Variants in TOX3 observed in about 807,000 individuals in gnomAD.
TOX3 encodes the protein TOX high mobility group box family member 3, also known as CAG trinucleotide repeat-containing gene F9 protein.
TOX3 carries 22 observed loss-of-function variants against 64.3 expected under a neutral mutation model. The observed-to-expected ratio is 0.34, with a 90% CI of 0.24 to 0.49. The LOEUF is 0.49. Among genes scored for constraint, TOX3 ranks in the 20% least tolerant of loss-of-function variants. TOX3 has a pLI of 0.99. For synonymous variants in TOX3, 291 were observed against 273.6 expected (o/e 1.06, Z -0.63); for missense variants, 661 against 714.4 (o/e 0.93, Z 0.85).
chr16:52,459,429 A>T (rs939278897), intron 3 of TOX3, among the ~76,000 whole-genome samples: 5 of 152,226 alleles, frequency 3.3e-5, no homozygotes, highest in Admixed American at 6.5e-5. Flanking sequence ...GAGTTCATGC[A>T]GATAGGTCTT....
chr16:52,444,383 C>T (rs1960102027), intron 5 of TOX3, 27 bp from the exon 6 acceptor site: 3 of 1,507,192 alleles, frequency 2.0e-6, no homozygotes, highest in South Asian at 1.2e-5. Context: ...ATTAGCACCA[C>T]CTTTAGCGTA....
At chr16:52,508,607 A>C (rs559292731) in intron 1 of TOX3, among the ~76,000 whole-genome samples, 1 of 152,212 alleles carries the variant, frequency 6.6e-6, no homozygotes, top group Non-Finnish European at 1.5e-5. Flanking sequence ...GCAATATATT[A>C]TTAGGGGATA....
intron 1 of TOX3, among the ~76,000 whole-genome samples, chr16:52,545,821 C>A (rs1437261360): frequency 1.3e-5 from 2 of 152,148 alleles, no homozygotes; most frequent in East Asian, 3.9e-4. Context: ...GCGACTCTCG[C>A]CCGCCTCGCT....
At chr16:52,510,882 C>T (rs1962290976) in intron 1 of TOX3, among the ~76,000 whole-genome samples, 1 of 151,272 alleles carries the variant, frequency 6.6e-6, no homozygotes, top group African/African-American at 2.4e-5. Flanking sequence ...TTGAATGGAA[C>T]AGCTTGATAT....
At chr16:52,525,657 G>C (rs995111970) in intron 1 of TOX3, among the ~76,000 whole-genome samples, 7 of 152,110 alleles carry the variant, frequency 4.6e-5, no homozygotes, top group Non-Finnish European at 8.8e-5. Context: ...GTTCTAGAGA[G>C]TGCACATGCC....
chr16:52,462,313 G>T (rs572174508), intron 3 of TOX3, among the ~76,000 whole-genome samples: 8 of 152,194 alleles, frequency 5.3e-5, no homozygotes, highest in African/African-American at 1.9e-4. Context: ...TGTTCTTTAA[G>T]TGTATGTGAA....
Position 52,444,623 on chromosome 16 carries a change from G to A in TOX3, c.907-267C>T, listed in dbSNP as rs189464215. ...GCAAATAAGAAAAAGATTTCTGGATGCAATACAGATTACTTGAGAATCACT... is the reference window on the plus strand; with the variant it reads ...GCAAATAAGAAAAAGATTTCTGGATACAATACAGATTACTTGAGAATCACT... On this transcript the variant is annotated intron_variant, in intron 5 of 6. Transcript: ENST00000219746. 6.7e-3 allele frequency: 2,161 copies of A among 320,570 alleles called. 9 individuals carry two copies. Among genetic ancestry groups the A allele is most frequent in the Non-Finnish European group, 0.01 (1,802 of 178,170 alleles). The allele number at this position is 320,570 out of a possible 1,614,324, so 19.9% of individuals were successfully genotyped here. A position where few individuals can be genotyped will look rare whatever the true frequency, so the allele number is the denominator to read the frequency against.
chr16:52,440,292 C>T (rs539749989), intron 6 of TOX3, among the ~76,000 whole-genome samples: 5 of 152,296 alleles, frequency 3.3e-5, no homozygotes, highest in South Asian at 4.1e-4. Flanking sequence ...AATTACCCCC[C>T]TCAAGAGTCA....
At chr16:52,448,550 A>C (rs1344376571) in intron 4 of TOX3, among the ~76,000 whole-genome samples, 1 of 152,132 alleles carries the variant, frequency 6.6e-6, no homozygotes, top group Admixed American at 6.5e-5. Flanking sequence ...TGTATTTACC[A>C]TTCCTGGGCC....
At chr16:52,443,531 G>A (rs1960068325) in intron 6 of TOX3, among the ~76,000 whole-genome samples, 1 of 152,192 alleles carries the variant, frequency 6.6e-6, no homozygotes, top group Non-Finnish European at 1.5e-5. Context: ...GACAGCAACA[G>A]TGACAATGAA....
At chr16:52,465,139 C>G (rs1367653590) in intron 2 of TOX3, among the ~76,000 whole-genome samples, 4 of 150,282 alleles carry the variant, frequency 2.7e-5, no homozygotes, top group East Asian at 4.0e-4. Context: ...CTCAGCCTCT[C>G]GAGTAGCTGG....
intron 1 of TOX3, among the ~76,000 whole-genome samples, chr16:52,518,096 T>C (rs748665064): frequency 1.3e-5 from 2 of 152,172 alleles, no homozygotes; most frequent in Admixed American, 6.5e-5. Flanking sequence ...TTGCTAAATA[T>C]TTAGAGTCTA....
At chr16:52,482,946 G>C (rs1339494721) in intron 1 of TOX3, among the ~76,000 whole-genome samples, 3 of 152,068 alleles carry the variant, frequency 2.0e-5, no homozygotes, top group Non-Finnish European at 4.4e-5. Flanking sequence ...ATAAGTTAGA[G>C]GTATGATTTT....
intron 1 of TOX3, among the ~76,000 whole-genome samples, chr16:52,496,424 G>A (rs1384166624): frequency 2.0e-5 from 3 of 152,134 alleles, no homozygotes; most frequent in African/African-American, 2.4e-5. Context: ...TACAGGGTAC[G>A]TTATTTTATA....
rs199682623 is a variant in TOX3, at chr16:52,494,383, G to A, written c.88-25809C>T. 7.2e-5 allele frequency among the ~76,000 whole-genome samples: 11 copies of A among 152,238 alleles called. No individual in the cohort carries two copies. In the South Asian group the frequency reaches 1.5e-3, roughly 20 times the overall value. ...AAAACAAGATGGCAAGGCCTCCACC[G>A]GCCTGGGTCCCTCCTCCACTGCCTA... On this transcript the variant is annotated intron_variant, in intron 1 of 6. Transcript: ENST00000219746.
intron 1 of TOX3, among the ~76,000 whole-genome samples, chr16:52,527,533 G>T (rs949257260): frequency 6.6e-6 from 1 of 152,142 alleles, no homozygotes; most frequent in Admixed American, 6.5e-5. Flanking sequence ...AAGTCTTTTT[G>T]CTAACCTAGA....
At chr16:52,457,823 A>G (rs1203898557) in intron 3 of TOX3, among the ~76,000 whole-genome samples, 1 of 152,196 alleles carries the variant, frequency 6.6e-6, no homozygotes, top group Non-Finnish European at 1.5e-5. Context: ...ATACTCATCA[A>G]AATATCTGCA....
intron 1 of TOX3, among the ~76,000 whole-genome samples, chr16:52,536,672 T>TATATAC (rs1439067638): frequency 1.0e-5 from 1 of 99,866 alleles, no homozygotes; most frequent in African/African-American, 3.6e-5. Context: ...TATATATATA[T>TATATAC]ATATACATGT....
chr16:52,497,865 C>A lies in TOX3; in HGVS notation c.88-29291G>T, dbSNP rs539065880. Among the ~76,000 whole-genome samples, 41 of 151,770 alleles carry A rather than the reference C, an allele frequency of 2.7e-4. No individual in the cohort carries two copies. In the South Asian group the frequency reaches 7.9e-3, roughly 29 times the overall value. On this transcript the variant is annotated intron_variant, in intron 1 of 6. Coordinates refer to ENST00000219746, the MANE Select transcript of TOX3 (RefSeq NM_001080430.4). ...TTTTCATAACAAGGTATTTTTCACC[C>A]GCAAAGATATAAAGAAAAAATCAAC...
Sources: allele counts gnomAD v4.1 joint callset (sites outside exome capture counted in the v4.1 genomes callset), GRCh38; gene constraint gnomAD v4.1.1; transcripts MANE v1.5; gene names NCBI Gene and HGNC (gene_info 2026-07-23, HGNC 2026-07-21).